Variants in UGGT2 observed in about 807,000 individuals in gnomAD.
UGGT2 encodes the protein UDP-glucose glycoprotein glucosyltransferase 2.
In UGGT2, 180 loss-of-function variants were observed where a neutral mutation model predicts 192.1. The ratio of observed to expected loss-of-function variants is 0.94; its 90% confidence interval spans 0.83 to 1.06. UGGT2 has a LOEUF of 1.06. Ranked by LOEUF, UGGT2 falls within the 50% of genes least tolerant of loss-of-function variation. The probability of loss-of-function intolerance (pLI) is 0.00; values close to 1 mark genes in which losing one functional copy is unlikely to be tolerated. For missense variants in UGGT2, 1,849 were observed against 1,795.7 expected (o/e 1.03, Z -0.54); for synonymous variants, 580 against 591.0 (o/e 0.98, Z 0.27).
intron 8 of UGGT2, 89 bp from the exon 9 acceptor site, chr13:95,986,521 T>C: frequency 1.1e-6 from 1 of 930,500 alleles, no homozygotes; most frequent in Non-Finnish European, 1.6e-6. Flanking sequence ...ACTCAATTCT[T>C]CTTGCCAAGT....
rs1286524012 is a variant in UGGT2, at chr13:95,884,082, A to AC, written c.3228+408_3228+409insG. On this transcript the variant is annotated intron_variant, in intron 27 of 38. Coordinates refer to ENST00000376747, the MANE Select transcript of UGGT2 (RefSeq NM_020121.4). ...TGTGAGGCCAAAAAAAAAAAAAAAA[A>AC]AAAACCAACAACAACAAAACAATTT... Among the ~76,000 whole-genome samples the AC allele has an allele frequency of 4.5e-3, 665 of 149,200 alleles. 13 individuals carry two copies. Among genetic ancestry groups the AC allele is most frequent in the African/African-American group, 0.015 (627 of 40,846 alleles).
At chr13:95,859,140 G>A (rs1027157260) in intron 33 of UGGT2, among the ~76,000 whole-genome samples, 1 of 152,116 alleles carries the variant, frequency 6.6e-6, no homozygotes, top group African/African-American at 2.4e-5. Flanking sequence ...TCAGATCATG[G>A]TGCCCAGCAA....
Position 95,895,197 on chromosome 13 carries a change from C to T in UGGT2, c.2742G>A (p.Met914Ile), listed in dbSNP as rs1221185671. 6.3e-7 allele frequency: 1 copy of T among 1,584,898 alleles called. No homozygotes were observed. Among genetic ancestry groups the T allele is most frequent in the East Asian group, 2.3e-5 (1 of 43,638 alleles). ...ATACTCACTTATTTGCGTTGATTCC[C>T]ATATTTTCAACAATGCCTTTAATTT... Reference protein sequence around the residue: ...GEKIKGIVENMGINANNMSDF... With the variant: ...GEKIKGIVENIGINANNMSDF... The change falls in exon 23 of 39, where the codon ATG (methionine) becomes ATA (isoleucine). Residue 914 changes from methionine (M) to isoleucine (I), a missense_variant. Met to Ile is a conservative substitution (Grantham distance 10). Coordinates refer to ENST00000376747, the MANE Select transcript of UGGT2 (RefSeq NM_020121.4).
At chr13:96,034,721 A>T (rs1005829732) in intron 1 of UGGT2, among the ~76,000 whole-genome samples, 2 of 152,204 alleles carry the variant, frequency 1.3e-5, no homozygotes, top group African/African-American at 4.8e-5. Context: ...CACCTGCAGT[A>T]TGCCTGGTCG....
chr13:95,864,420 C>T (rs1890452383), intron 30 of UGGT2, among the ~76,000 whole-genome samples: 1 of 152,100 alleles, frequency 6.6e-6, no homozygotes, highest in South Asian at 2.1e-4. Flanking sequence ...ACTGAAGAGT[C>T]GGAAAAGCTA....
At chr13:96,026,380 T>C (rs2052665050) in intron 2 of UGGT2, among the ~76,000 whole-genome samples, 1 of 152,080 alleles carries the variant, frequency 6.6e-6, no homozygotes, top group African/African-American at 2.4e-5. Context: ...CTCTATACCA[T>C]CTCTACATCA....
chr13:95,847,145 A>AT (rs11423057), intron 36 of UGGT2, among the ~76,000 whole-genome samples: 126,741 of 149,940 alleles, frequency 0.85, 53,754 homozygotes, highest in East Asian at 0.93. Flanking sequence ...TAAAAATTTT[A>AT]TTTTTTAGAG....
chr13:95,885,426 T>C (rs915343893), intron 26 of UGGT2, among the ~76,000 whole-genome samples: 1 of 152,180 alleles, frequency 6.6e-6, no homozygotes, highest in Non-Finnish European at 1.5e-5. Context: ...TGCAGACTGC[T>C]TGCAGTTACT....
chr13:95,967,479 T>G (rs1194565616), intron 12 of UGGT2, among the ~76,000 whole-genome samples: 45 of 56,890 alleles, frequency 7.9e-4, no homozygotes, highest in Non-Finnish European at 1.7e-3. Flanking sequence ...CTTTTTTGTT[T>G]TTTTTTTTTT....
chr13:95,832,833 AT>A, intron 38 of UGGT2, 93 bp downstream of exon 38: 4 of 1,533,286 alleles, frequency 2.6e-6, no homozygotes, highest in Non-Finnish European at 3.6e-6. Context: ...ATTCTTAATC[AT>A]TTTATAAATT....
chr13:95,954,239 G>A (rs2050149096), intron 12 of UGGT2, among the ~76,000 whole-genome samples: 1 of 152,136 alleles, frequency 6.6e-6, no homozygotes, highest in Non-Finnish European at 1.5e-5. Flanking sequence ...CCTTTTCCAA[G>A]ATATCTCATT....
At chr13:96,043,315 GCTGACAGAATTTGCCACTA>G (rs1246592694) in intron 1 of UGGT2, among the ~76,000 whole-genome samples, 1 of 152,096 alleles carries the variant, frequency 6.6e-6, no homozygotes, top group Non-Finnish European at 1.5e-5. Context: ...ACAAAAAAAT[GCTGACAGAATTTGCCACTA>G]CCAATCCAGC....
At chr13:95,917,440 G>A (rs1204402450) in intron 20 of UGGT2, among the ~76,000 whole-genome samples, 3 of 151,996 alleles carry the variant, frequency 2.0e-5, no homozygotes, top group African/African-American at 4.8e-5. Flanking sequence ...AAAAACCGTC[G>A]GCAGCCATGA....
chr13:96,011,718 A>T (rs2139065137), intron 5 of UGGT2, among the ~76,000 whole-genome samples: 1 of 152,222 alleles, frequency 6.6e-6, no homozygotes, highest in South Asian at 2.1e-4. Flanking sequence ...AAGAATCTGT[A>T]TGTGAATATG....
At chr13:95,864,675 C>T (rs190921674) in intron 30 of UGGT2, among the ~76,000 whole-genome samples, 2 of 152,218 alleles carry the variant, frequency 1.3e-5, no homozygotes, top group East Asian at 3.9e-4. Flanking sequence ...GTTTATTACT[C>T]ATGTTATCTA....
intron 12 of UGGT2, among the ~76,000 whole-genome samples, chr13:95,959,212 T>C (rs2050310179): frequency 1.3e-5 from 2 of 152,312 alleles, no homozygotes; most frequent in South Asian, 4.1e-4. Context: ...CACATTTCCA[T>C]GCACCTGAGG....
intron 5 of UGGT2, among the ~76,000 whole-genome samples, chr13:96,002,324 T>C (rs560861187): frequency 6.6e-6 from 1 of 152,360 alleles, no homozygotes; most frequent in African/African-American, 2.4e-5. Context: ...ATAAAATGTT[T>C]TGAGTGCACA....
At chr13:95,883,596 T>C (rs1331583828) in intron 27 of UGGT2, among the ~76,000 whole-genome samples, 1 of 152,078 alleles carries the variant, frequency 6.6e-6, no homozygotes. Context: ...GGTGTTAAAG[T>C]GTGTGGCACT....
chr13:96,032,027 A>G (rs2052852105), intron 1 of UGGT2, 56 bp from the exon 2 acceptor site: 1 of 1,316,524 alleles, frequency 7.6e-7, no homozygotes, highest in African/African-American at 1.5e-5. Flanking sequence ...TGGTTTAGAT[A>G]CTATAAACTG....
Sources: allele counts gnomAD v4.1 joint callset (sites outside exome capture counted in the v4.1 genomes callset), GRCh38; gene constraint gnomAD v4.1.1; transcripts MANE v1.5; gene names NCBI Gene and HGNC (gene_info 2026-07-23, HGNC 2026-07-21).